The following FIP1L1 variants were observed in gnomAD, a reference collection of about 807,000 sequenced individuals.
FIP1L1 encodes the protein factor interacting with PAPOLA and CPSF1, also known as pre-mRNA 3'-end-processing factor FIP1.
In FIP1L1, 21 loss-of-function variants were observed where a neutral mutation model predicts 84.6. That is an observed-to-expected ratio of 0.25 (90% confidence interval 0.18 to 0.36). FIP1L1 has a LOEUF of 0.36. Among genes scored for constraint, FIP1L1 ranks in the 10% least tolerant of loss-of-function variants. FIP1L1 has a pLI of 1.00. For missense variants in FIP1L1, 526 were observed against 751.1 expected, an observed-to-expected ratio of 0.70 and a Z score of 3.50; for synonymous variants, 263 against 242.3, an observed-to-expected ratio of 1.09 and a Z score of -0.80.
intron 3 of FIP1L1, among the ~76,000 whole-genome samples, chr4:53,380,964 A>G (rs1320709828): frequency 6.6e-6 from 1 of 152,184 alleles, no homozygotes; most frequent in East Asian, 1.9e-4. Context: ...ACATTCTTTA[A>G]TTTTAATTCC....
In FIP1L1 at chr4:53,404,133, T is replaced by C. The variant is rs563797146; in HGVS notation, c.815+4294T>C. On this transcript the variant is annotated intron_variant, in intron 10 of 17. Transcript: ENST00000337488. ...CACTAACTCGTCATTTAGAATTAGG[T>C]ATATCTCCTAATGCTATCCCTCCCC... Among the ~76,000 whole-genome samples, 665 of 150,722 alleles carry C rather than the reference T, an allele frequency of 4.4e-3. 8 individuals carry two copies. Among genetic ancestry groups the C allele is most frequent in the African/African-American group, 0.015 (633 of 41,088 alleles).
At position 53,459,401 on chromosome 4, in the gene FIP1L1, T is replaced by C. The variant is rs1333677316; in HGVS notation, c.1737T>C (p.Ser579=). 6.2e-7 allele frequency: 1 copy of C among 1,611,870 alleles called. No homozygotes were observed. Among genetic ancestry groups the C allele is most frequent in the Non-Finnish European group, 8.5e-7 (1 of 1,179,494 alleles). ...KRSKEGKEAG[S]EPAPEQESTE... is the part of the protein sequence containing the mutation. ...GCAAAGAAGGAAAAGAAGCGGGCAG[T>C]GAGCCTGCCCCTGAACAGGAGAGCA... is the stretch of plus-strand genomic sequence containing the variant. The change falls in exon 18 of 18, where the codon AGT becomes AGC. Residue 579 remains serine (S), a synonymous_variant. Transcript: ENST00000337488.
intron 5 of FIP1L1, among the ~76,000 whole-genome samples, chr4:53,387,979 G>A (rs1481819): frequency 0.69 from 105,648 of 152,104 alleles, 36,750 homozygotes; most frequent in Middle Eastern, 0.72. Context: ...ATCAGCCTAT[G>A]AAATGATTAT....
chr4:53,413,600 T>C (rs1040138245), intron 10 of FIP1L1, among the ~76,000 whole-genome samples: 3 of 152,128 alleles, frequency 2.0e-5, no homozygotes, highest in African/African-American at 7.2e-5. Context: ...CTTTTACTGT[T>C]ATAAGAAAAC....
chr4:53,423,474 T>C (rs1763170274), intron 11 of FIP1L1, among the ~76,000 whole-genome samples: 1 of 152,328 alleles, frequency 6.6e-6, no homozygotes. Context: ...TTAAGAACTT[T>C]CGTGGAATAA....
intron 13 of FIP1L1, among the ~76,000 whole-genome samples, chr4:53,434,397 T>A (rs1268252516): frequency 6.6e-6 from 1 of 152,146 alleles, no homozygotes; most frequent in East Asian, 1.9e-4. Context: ...TATTGTGATA[T>A]CACGAGTTAT....
intron 5 of FIP1L1, among the ~76,000 whole-genome samples, chr4:53,386,707 A>G (rs1363210063): frequency 2.0e-5 from 3 of 152,186 alleles, no homozygotes; most frequent in Non-Finnish European, 4.4e-5. Context: ...GCTGGAGGAT[A>G]AGGTAGATGA....
rs1553927414 is a variant in FIP1L1 at position 53,459,937 on chromosome 4, C to CAA, written c.*489_*490dup. On this transcript the variant is annotated 3_prime_UTR_variant, in exon 18 of 18. Transcript: ENST00000337488. ...AGAGACTCATACATTTTTGATATCACAACTTTTTGATGGCTTTTCAATATT... is the reference window on the plus strand; with the variant it reads ...AGAGACTCATACATTTTTGATATCACAAAACTTTTTGATGGCTTTTCAATATT... 2 of 217,674 alleles carry CAA rather than the reference C, an allele frequency of 9.2e-6. No individual in the cohort carries two copies. Among genetic ancestry groups the CAA allele is most frequent in the Non-Finnish European group, 1.8e-5 (2 of 108,298 alleles). 13.5% of individuals were successfully genotyped at this position (217,674 alleles called of 1,614,324 possible). A position where few individuals can be genotyped will look rare whatever the true frequency, so the allele number is the denominator to read the frequency against.
chr4:53,379,371 GACTT>G, intron 3 of FIP1L1, 107 bp downstream of exon 3: 1 of 939,558 alleles, frequency 1.1e-6, no homozygotes, highest in South Asian at 1.7e-5. Context: ...TTACAACACT[GACTT>G]ACAACATTTT....
intron 10 of FIP1L1, among the ~76,000 whole-genome samples, chr4:53,408,001 G>A (rs1385569533): frequency 6.6e-6 from 1 of 152,160 alleles, no homozygotes; most frequent in Non-Finnish European, 1.5e-5. Flanking sequence ...TACATTTAAA[G>A]CTAACATTGT....
chr4:53,424,404 A>G (rs1262368410), intron 11 of FIP1L1, among the ~76,000 whole-genome samples: 1 of 152,128 alleles, frequency 6.6e-6, no homozygotes, highest in Non-Finnish European at 1.5e-5. Context: ...TGTGAATATT[A>G]AGATCTTTCC....
In FIP1L1 at chr4:53,459,302, T is replaced by G; in HGVS notation, c.1638T>G (p.Ser546Arg). 1 of 1,308,530 alleles carries G rather than the reference T, an allele frequency of 7.6e-7. No individual in the cohort carries two copies. Among genetic ancestry groups the G allele is most frequent in the Non-Finnish European group, 1.1e-6 (1 of 949,948 alleles). The allele number at this position is 1,308,530 out of a possible 1,614,324, so 81.1% of individuals were successfully genotyped here. A position where few individuals can be genotyped will look rare whatever the true frequency, so the allele number is the denominator to read the frequency against. Residue 546 changes from serine (S) to arginine (R), a missense_variant and splice_region_variant, in exon 18 of 18, where the codon AGT becomes AGG. Physicochemically the swap from Ser to Arg is moderately radical, Grantham distance 110. Coordinates refer to ENST00000337488, the MANE Select transcript of FIP1L1 (RefSeq NM_030917.4). ...CTTTTTTTTTTTTTTTTTTTTCCAG[T>G]AATAGTAGACGTCGCCATGAAAGTG... ...KEETRHKSSR[S>R]NSRRRHESEE...
At chr4:53,457,404 A>G (rs1482348484) in intron 16 of FIP1L1, among the ~76,000 whole-genome samples, 1 of 152,182 alleles carries the variant, frequency 6.6e-6, no homozygotes, top group Non-Finnish European at 1.5e-5. Context: ...GGAAATACAT[A>G]TACAAATATG....
chr4:53,437,142 C>T (rs1452975857), intron 13 of FIP1L1, among the ~76,000 whole-genome samples: 1 of 151,774 alleles, frequency 6.6e-6, no homozygotes, highest in East Asian at 1.9e-4. Context: ...GCCTGGGCAA[C>T]ATAGCGAAAC....
At chr4:53,457,704 C>T (rs1379993776) in intron 16 of FIP1L1, among the ~76,000 whole-genome samples, 1 of 152,000 alleles carries the variant, frequency 6.6e-6, no homozygotes, top group Non-Finnish European at 1.5e-5. Flanking sequence ...TCAGCATATT[C>T]TTCTAAAAGA....
chr4:53,458,683 T>C lies in FIP1L1; in HGVS notation c.1530T>C (p.Tyr510=), dbSNP rs1222833564. ...SDEERYRYRE[Y]AERGYERHRA... ...AAGAACGATACAGATACAGGGAATA[T>C]GCAGAAAGAGGTTATGAGCGTCACA... is the stretch of plus-strand genomic sequence containing the variant. The change falls in exon 17 of 18, where the codon TAT becomes TAC. Residue 510 remains tyrosine, a synonymous_variant. Transcript: ENST00000337488. The C allele has an allele frequency of 2.5e-6, 4 of 1,612,920 alleles. No individual in the cohort carries two copies. The highest frequency in any genetic ancestry group is 3.3e-5 in the Admixed American group (2 of 59,904).
chr4:53,437,572 T>G (rs1769953466), intron 13 of FIP1L1, among the ~76,000 whole-genome samples: 1 of 151,802 alleles, frequency 6.6e-6, no homozygotes, highest in Non-Finnish European at 1.5e-5. Context: ...ATCTGGGAAA[T>G]TTAGGGGAAT....
At chr4:53,402,165 G>A (rs1032999926) in intron 10 of FIP1L1, among the ~76,000 whole-genome samples, 1 of 152,168 alleles carries the variant, frequency 6.6e-6, no homozygotes, top group African/African-American at 2.4e-5. Flanking sequence ...TGAAGACTAA[G>A]AATGACCATT....
At chr4:53,436,794 A>G (rs1197816354) in intron 13 of FIP1L1, among the ~76,000 whole-genome samples, 1 of 152,212 alleles carries the variant, frequency 6.6e-6, no homozygotes, top group Non-Finnish European at 1.5e-5. Context: ...TTTAACAGGA[A>G]TGCTGCCTTT....
Sources: allele counts gnomAD v4.1 joint callset (sites outside exome capture counted in the v4.1 genomes callset), GRCh38; gene constraint gnomAD v4.1.1; transcripts MANE v1.5; gene names NCBI Gene and HGNC (gene_info 2026-07-23, HGNC 2026-07-21).